LIPC: variants seen among roughly 807,000 people sequenced by gnomAD.
LIPC encodes hepatic triacylglycerol lipase.
LIPC carries 44 observed loss-of-function variants against 50.7 expected under a neutral mutation model. The observed-to-expected ratio is 0.87, with a 90% CI of 0.68 to 1.11. The LOEUF (loss-of-function observed/expected upper bound fraction) is 1.11, where lower values mean the gene tolerates loss of function less well. Among genes scored for constraint, LIPC ranks in the 50% most tolerant of loss-of-function variants. LIPC has a pLI of 0.00. For synonymous variants in LIPC, 271 were observed against 256.4 expected, an observed-to-expected ratio of 1.06 and a Z score of -0.54; for missense variants, 697 against 648.2, an observed-to-expected ratio of 1.08 and a Z score of -0.82.
chr15:58,520,112 G>GTTTT (rs10631480), intron 1 of LIPC, among the ~76,000 whole-genome samples: 35 of 123,450 alleles, frequency 2.8e-4, no homozygotes, highest in East Asian at 9.1e-4. Flanking sequence ...GTTTTGGGCT[G>GTTTT]TTTTTTTTTT....
chr15:58,437,277 C>G (rs1490243770), intron 1 of LIPC, among the ~76,000 whole-genome samples: 1 of 152,040 alleles, frequency 6.6e-6, no homozygotes, highest in African/African-American at 2.4e-5. Context: ...GGTGTCATAA[C>G]TTTCAGCAAA....
chr15:58,453,389 G>T (rs993740181), intron 1 of LIPC, among the ~76,000 whole-genome samples: 1 of 152,062 alleles, frequency 6.6e-6, no homozygotes, highest in African/African-American at 2.4e-5. Flanking sequence ...CCGCATTCTC[G>T]GTAAGTGATT....
chr15:58,512,102 T>C (rs1471881561), intron 1 of LIPC, among the ~76,000 whole-genome samples: 1 of 151,850 alleles, frequency 6.6e-6, no homozygotes, highest in Non-Finnish European at 1.5e-5. Flanking sequence ...TTTTTCTTTT[T>C]CTTTTTTTTT....
At chr15:58,557,677 G>A (rs754987799) in intron 6 of LIPC, among the ~76,000 whole-genome samples, 13 of 152,072 alleles carry the variant, frequency 8.5e-5, no homozygotes, top group Non-Finnish European at 1.3e-4. Flanking sequence ...GAGCCACCGC[G>A]CCCGGCCTCA....
intron 6 of LIPC, among the ~76,000 whole-genome samples, chr15:58,554,058 C>T (rs1372109052): frequency 6.6e-6 from 1 of 151,906 alleles, no homozygotes. Context: ...CCAGAGCCAA[C>T]ATCTAATGAT....
At chr15:58,549,538 A>G (rs566848565) in intron 6 of LIPC, among the ~76,000 whole-genome samples, 12 of 152,326 alleles carry the variant, frequency 7.9e-5, no homozygotes, top group African/African-American at 2.6e-4. Context: ...AAAGAGGAGC[A>G]AAGCAAAACT....
chr15:58,526,190 C>T (rs1892795375), intron 1 of LIPC, among the ~76,000 whole-genome samples: 1 of 152,224 alleles, frequency 6.6e-6, no homozygotes, highest in South Asian at 2.1e-4. Flanking sequence ...CAGGAGTCTG[C>T]ATCTCCAGCA....
At position 58,567,263 on chromosome 15, in the gene LIPC, A is replaced by G. The variant is rs1244837016; in HGVS notation, c.1389-1453A>G. 1.7e-3 allele frequency among the ~76,000 whole-genome samples: 53 copies of G among 30,946 alleles called. 1 individual carries two copies. In the East Asian group the frequency reaches 0.047, roughly 27 times the overall value. The allele number at this position is 30,946 out of a possible 152,430, so 20.3% of individuals were successfully genotyped here. On this transcript the variant is annotated intron_variant, in intron 8 of 8. Transcript: ENST00000299022. ...TGTGTGTGTGTGTATATATATATGT[A>G]TATGTGTGTGTGTGTGTGTATATAT...
intron 1 of LIPC, among the ~76,000 whole-genome samples, chr15:58,452,704 C>G (rs1893949608): frequency 7.5e-6 from 1 of 133,994 alleles, no homozygotes; most frequent in African/African-American, 2.7e-5. Flanking sequence ...CCTCTTTTCT[C>G]TGGAGCACCG....
At chr15:58,439,844 G>T (rs1309230042) in intron 1 of LIPC, among the ~76,000 whole-genome samples, 2 of 152,140 alleles carry the variant, frequency 1.3e-5, no homozygotes, top group Non-Finnish European at 2.9e-5. Context: ...GTTCCCAAAT[G>T]ATGCTGCTGG....
chr15:58,477,154 T>C (rs1459760437), intron 1 of LIPC, among the ~76,000 whole-genome samples: 1 of 152,226 alleles, frequency 6.6e-6, no homozygotes, highest in Non-Finnish European at 1.5e-5. Flanking sequence ...AGCTAGCAGG[T>C]TGTCTGTATG....
At chr15:58,505,865 G>A (rs372031949) in intron 1 of LIPC, among the ~76,000 whole-genome samples, 2 of 151,748 alleles carry the variant, frequency 1.3e-5, no homozygotes, top group Admixed American at 6.6e-5. Context: ...CTGCACTGAC[G>A]TGGCTGCAGG....
At chr15:58,492,033 C>G (rs1371803678) in intron 1 of LIPC, among the ~76,000 whole-genome samples, 1 of 152,164 alleles carries the variant, frequency 6.6e-6, no homozygotes, top group Non-Finnish European at 1.5e-5. Context: ...AACAGAGCAC[C>G]CATTGTACAG....
intron 1 of LIPC, among the ~76,000 whole-genome samples, chr15:58,520,830 T>C (rs1176230501): frequency 6.6e-6 from 1 of 152,016 alleles, no homozygotes; most frequent in East Asian, 1.9e-4. Context: ...CCTATTAATA[T>C]CACAGGAAAC....
In LIPC at chr15:58,538,470, G is replaced by C. The variant is rs773742252; in HGVS notation, c.226G>C (p.Gly76Arg). ...TCATCCGGACACGTTACAGGAGTGC[G>C]GCTTCAACTCCTCCCTGCCTCTGGT... Reference protein sequence around the residue: ...INHPDTLQECGFNSSLPLVMI... With the variant: ...INHPDTLQECRFNSSLPLVMI... The change falls in exon 2 of 9, where the codon GGC becomes CGC. Residue 76 changes from glycine to arginine, a missense_variant. Gly to Arg is a moderately radical substitution (Grantham distance 125). Transcript: ENST00000299022. 3.7e-6 allele frequency: 6 copies of C among 1,614,016 alleles called. No individual in the cohort carries two copies. Among genetic ancestry groups the C allele is most frequent in the Middle Eastern group, 1.6e-4 (1 of 6,084 alleles).
chr15:58,550,751 C>CT, intron 6 of LIPC, among the ~76,000 whole-genome samples: 1 of 151,194 alleles, frequency 6.6e-6, no homozygotes, highest in South Asian at 2.1e-4. Context: ...GGTCAGGAAC[C>CT]GAAAGCCCCA....
At chr15:58,542,255 T>C (rs150439113) in intron 3 of LIPC, among the ~76,000 whole-genome samples, 21 of 152,236 alleles carry the variant, frequency 1.4e-4, no homozygotes, top group African/African-American at 5.1e-4. Flanking sequence ...CTGTAAGCTA[T>C]CAAGCCCCCA....
intron 8 of LIPC, among the ~76,000 whole-genome samples, chr15:58,564,216 G>A (rs1894278048): frequency 6.6e-6 from 1 of 151,254 alleles, no homozygotes; most frequent in South Asian, 2.1e-4. Context: ...AAGAATCACT[G>A]GGAAGCCAAA....
intron 1 of LIPC, among the ~76,000 whole-genome samples, chr15:58,443,406 G>A (rs552386070): frequency 2.6e-5 from 4 of 152,158 alleles, no homozygotes; most frequent in Non-Finnish European, 5.9e-5. Flanking sequence ...CACTGCCCCT[G>A]GCTACCCAAA....
Sources: gnomAD v4.1 joint callset for allele counts (sites outside exome capture counted in the v4.1 genomes callset) on GRCh38, gnomAD v4.1.1 for gene constraint, MANE v1.5 for transcripts, NCBI Gene and HGNC (gene_info 2026-07-23, HGNC 2026-07-21) for gene names.